Variants in ZNF444 observed in about 807,000 individuals in gnomAD.
ZNF444 encodes zinc finger protein 444.
In ZNF444, 8 loss-of-function variants were observed where a neutral mutation model predicts 14.4. The ratio of observed to expected loss-of-function variants is 0.56; its 90% CI spans 0.33 to 1.00. ZNF444 has a LOEUF of 1.00. ZNF444 is among the 50% of genes least tolerant of loss of function. The pLI, the probability that ZNF444 is intolerant of heterozygous loss-of-function variation, is 0.03. For synonymous variants in ZNF444, 258 were observed against 235.9 expected (o/e 1.09, Z -0.86); for missense variants, 510 against 504.8 (o/e 1.01, Z -0.10).
chr19:56,134,403 C>G (rs1178703337), intron 1 of ZNF444, among the ~76,000 whole-genome samples: 1 of 152,156 alleles, frequency 6.6e-6, no homozygotes. Flanking sequence ...AAGCCAGGAG[C>G]TGGGTACAGC....
intron 3 of ZNF444, among the ~76,000 whole-genome samples, chr19:56,148,898 G>A (rs1034811054): frequency 3.9e-5 from 6 of 152,138 alleles, no homozygotes; most frequent in Non-Finnish European, 7.4e-5. Context: ...GCAGAGCCAC[G>A]TCCCTTCTCA....
At chr19:56,136,858 C>T (rs1304766931), upstream of ZNF444, among the ~76,000 whole-genome samples, 7 of 152,008 alleles carry the variant, frequency 4.6e-5, no homozygotes, top group East Asian at 7.8e-4. Flanking sequence ...CTTGGCTCAC[C>T]GCAACCTCTG....
At position 56,159,829 on chromosome 19, in the gene ZNF444, G is replaced by A. The variant is rs746471237; in HGVS notation, c.612G>A (p.Glu204=). The change falls in exon 5 of 5, where the codon GAG becomes GAA. Residue 204 remains glutamate (E), a synonymous_variant. Transcript: ENST00000337080. ...GCCACCGGCAGAGCCACTCGGGCGA[G>A]AAGCCGCACGCCTGCCCTGAGTGCG... ...LLRHRQSHSG[E]KPHACPECGK... 3.8e-6 allele frequency: 6 copies of A among 1,570,168 alleles called. No individual in the cohort carries two copies. Among genetic ancestry groups the A allele is most frequent in the Non-Finnish European group, 5.2e-6 (6 of 1,164,262 alleles).
chr19:56,160,068 G>A lies in ZNF444; in HGVS notation c.851G>A (p.Gly284Asp). The A allele has an allele frequency of 6.6e-7, 1 of 1,505,036 alleles. No homozygotes were observed. The highest frequency in any genetic ancestry group is 8.8e-7 in the Non-Finnish European group (1 of 1,131,962). 93.2% of individuals were successfully genotyped at this position (1,505,036 alleles called of 1,614,324 possible). The change falls in exon 5 of 5, where the codon GGC (glycine) becomes GAC (aspartate). Residue 284 changes from glycine (G) to aspartate (D), a missense_variant. Coordinates refer to ENST00000337080, the MANE Select transcript of ZNF444 (RefSeq NM_018337.4). ...GARPFACWEC[G>D]KGFGRREHVL... ...CGGCCCTTTGCCTGCTGGGAGTGTG[G>A]CAAGGGCTTCGGGCGCCGCGAGCAC...
chr19:56,146,909 C>A lies in ZNF444; in HGVS notation c.-3C>A, dbSNP rs760773269. 3.5e-6 allele frequency: 5 copies of A among 1,422,762 alleles called. No homozygotes were observed. The highest frequency in any genetic ancestry group is 4.6e-6 in the Non-Finnish European group (5 of 1,098,434). 88.1% of individuals were successfully genotyped at this position (1,422,762 alleles called of 1,614,324 possible). ...CTGCAGGCGCTGCGGTCCGGGAGGCCCCATGGAGGTGGCGGTGCCCGTGAA... is the reference window on the plus strand; with the variant it reads ...CTGCAGGCGCTGCGGTCCGGGAGGCACCATGGAGGTGGCGGTGCCCGTGAA... On this transcript the variant is annotated 5_prime_UTR_variant, in exon 3 of 5. Transcript: ENST00000337080.
chr19:56,152,490 T>G (rs1008595210), intron 3 of ZNF444, among the ~76,000 whole-genome samples: 3 of 151,914 alleles, frequency 2.0e-5, no homozygotes, highest in African/African-American at 4.8e-5. Context: ...TTTGTTTTTT[T>G]TTTTTTTTTA....
rs777306882 is a variant in ZNF444 at position 56,159,735 on chromosome 19, T to C, written c.518T>C (p.Leu173Pro). 28 of 1,580,000 alleles carry C rather than the reference T, an allele frequency of 1.8e-5. No individual in the cohort carries two copies. The highest frequency in any genetic ancestry group is 2.6e-6 in the Non-Finnish European group (3 of 1,167,442). The change falls in exon 5 of 5, where the codon CTA becomes CCA. Residue 173 changes from leucine to proline, a missense_variant. Physicochemically the swap from Leu to Pro is moderately conservative, Grantham distance 98. Transcript: ENST00000337080. ...PPLAPGLPAF[L>P]AAPGTTSCPE... ...CTGGCGCCTGGCCTGCCCGCCTTCC[T>C]AGCGGCCCCGGGCACCACGTCCTGC...
chr19:56,159,651 C>G lies in ZNF444; in HGVS notation c.434C>G (p.Pro145Arg). Residue 145 changes from proline to arginine, a missense_variant, in exon 5 of 5, where the codon CCG (proline) becomes CGG (arginine). Transcript: ENST00000337080. ...LAGTAPGAEG[P>R]APGDSQAVRP... is the part of the protein sequence containing the mutation. ...GGCACCGCCCCTGGGGCTGAGGGGC[C>G]GGCGCCTGGGGACTCCCAGGCTGTG... 6.8e-7 allele frequency: 1 copy of G among 1,459,884 alleles called. No individual in the cohort carries two copies. Among genetic ancestry groups the G allele is most frequent in the Non-Finnish European group, 9.0e-7 (1 of 1,110,588 alleles). The allele number at this position is 1,459,884 out of a possible 1,614,324, so 90.4% of individuals were successfully genotyped here.
intron 1 of ZNF444, among the ~76,000 whole-genome samples, chr19:56,132,931 C>CTTTTT (rs1488948457): frequency 1.6e-4 from 6 of 38,110 alleles, no homozygotes; most frequent in East Asian, 4.8e-4. Context: ...TTCTTTCTTT[C>CTTTTT]TTTCTTTTTT....
Position 56,160,367 on chromosome 19 carries a change from A to C in ZNF444, c.*166A>C, listed in dbSNP as rs2032218790. The stretch of plus-strand genomic sequence containing the variant: ...CCCAACGCCTTCCTATTCCTTTCCA[A>C]CTCCTTTTCCCCCAAATTTCACTTT... On this transcript the variant is annotated 3_prime_UTR_variant, in exon 5 of 5. Coordinates refer to ENST00000337080, the MANE Select transcript of ZNF444 (RefSeq NM_018337.4). 39 of 510,108 alleles carry C rather than the reference A, an allele frequency of 7.6e-5. No homozygotes were observed. Among genetic ancestry groups the C allele is most frequent in the South Asian group, 3.9e-4 (11 of 28,468 alleles). The allele number at this position is 510,108 out of a possible 1,614,324, so 31.6% of individuals were successfully genotyped here. A position where few individuals can be genotyped will look rare whatever the true frequency, so the allele number is the denominator to read the frequency against.
At position 56,147,189 on chromosome 19, in the gene ZNF444, C is replaced by T. The variant is rs1201954501; in HGVS notation, c.278C>T (p.Ala93Val). 6.9e-7 allele frequency: 1 copy of T among 1,457,272 alleles called. No individual in the cohort carries two copies. 90.3% of individuals were successfully genotyped at this position (1,457,272 alleles called of 1,614,324 possible). A position where few individuals can be genotyped will look rare whatever the true frequency, so the allele number is the denominator to read the frequency against. ...RQPQSGEEAV[A>V]LLEELWGPAA... ...CCGCAGAGCGGGGAGGAGGCGGTGG[C>T]CCTGCTGGAGGAGCTCTGGGTGAGC... The change falls in exon 3 of 5, where the codon GCC (alanine) becomes GTC (valine). Residue 93 changes from alanine (A) to valine (V), a missense_variant. Physicochemically the swap from Ala to Val is moderately conservative, Grantham distance 64. Coordinates refer to ENST00000337080, the MANE Select transcript of ZNF444 (RefSeq NM_018337.4). This position sits in a 1 kb window ranked among gnomAD's most constrained non-coding sequence, Gnocchi z 5.9.
At chr19:56,156,693 A>C (rs2031926714) in intron 3 of ZNF444, 1 of 152,298 alleles carries the variant, frequency 6.6e-6, no homozygotes, top group Non-Finnish European at 1.5e-5. Flanking sequence ...CAAGACCGTA[A>C]CAAGGGCTGT....
intron 4 of ZNF444, among the ~76,000 whole-genome samples, chr19:56,158,950 C>T (rs2032080972): frequency 1.3e-5 from 2 of 151,886 alleles, no homozygotes; most frequent in Non-Finnish European, 2.9e-5. Context: ...TCCCACCATC[C>T]CTCTGTCATC....
Position 56,160,190 on chromosome 19 carries a change from C to G in ZNF444, c.973C>G (p.Pro325Ala), listed in dbSNP as rs1185235122. The change falls in exon 5 of 5, where the codon CCC (proline) becomes GCC (alanine). Residue 325 changes from proline to alanine, a missense_variant. Pro to Ala is a conservative substitution (Grantham distance 27). Transcript: ENST00000337080. ...PDGGGPFPPW[P>A]LG The stretch of plus-strand genomic sequence containing the variant: ...TGGTGGAGGCCCCTTCCCGCCCTGG[C>G]CCTTGGGTTAGCCGCCTCCCGGCCA... 6.9e-7 allele frequency: 1 copy of G among 1,459,364 alleles called. No homozygotes were observed. The allele number at this position is 1,459,364 out of a possible 1,614,324, so 90.4% of individuals were successfully genotyped here.
At chr19:56,136,266 G>A (rs1350513479) in intron 1 of ZNF444, among the ~76,000 whole-genome samples, 1 of 151,980 alleles carries the variant, frequency 6.6e-6, no homozygotes, top group African/African-American at 2.4e-5. Context: ...GGTGGGTTTG[G>A]AGCCCTGCCC....
At chr19:56,133,098 C>T (rs1170937566) in intron 1 of ZNF444, among the ~76,000 whole-genome samples, 3 of 151,740 alleles carry the variant, frequency 2.0e-5, no homozygotes, top group African/African-American at 4.8e-5. Context: ...CCACCATGCC[C>T]GGCTTATTTT....
chr19:56,159,694 G>A lies in ZNF444; in HGVS notation c.477G>A (p.Glu159=). The change falls in exon 5 of 5, where the codon GAG becomes GAA. Residue 159 remains glutamate, a synonymous_variant. Coordinates refer to ENST00000337080, the MANE Select transcript of ZNF444 (RefSeq NM_018337.4). ...AGGCTGTGCGCCCCTACAAGCAGGAGCCCAGCAGCCCCCCGCTGGCGCCTG... is the reference window on the plus strand; with the variant it reads ...AGGCTGTGCGCCCCTACAAGCAGGAACCCAGCAGCCCCCCGCTGGCGCCTG... ...DSQAVRPYKQ[E]PSSPPLAPGL... is the part of the protein sequence containing the mutation. 6.5e-7 allele frequency: 1 copy of A among 1,540,970 alleles called. No individual in the cohort carries two copies. The highest frequency in any genetic ancestry group is 8.7e-7 in the Non-Finnish European group (1 of 1,147,900).
upstream of ZNF444, among the ~76,000 whole-genome samples, chr19:56,138,205 G>T (rs560884557): frequency 1.3e-5 from 2 of 152,270 alleles, no homozygotes; most frequent in African/African-American, 4.8e-5. Flanking sequence ...ATCTTTAAAA[G>T]GAAGGAGATT....
rs1263309196 is a variant in ZNF444 at position 56,144,310 on chromosome 19, AAAAAAAG to A, written c.-196-1923_-196-1917del. 6.6e-6 allele frequency among the ~76,000 whole-genome samples: 1 copy of A among 152,004 alleles called. No homozygotes were observed. The highest frequency in any genetic ancestry group is 1.5e-5 in the Non-Finnish European group (1 of 68,006). On this transcript the variant is annotated intron_variant, in intron 1 of 4. Coordinates refer to ENST00000337080, the MANE Select transcript of ZNF444 (RefSeq NM_018337.4). This position sits in a 1 kb window ranked among gnomAD's most constrained non-coding sequence, Gnocchi z 4.0. ...GGCGACAGAGAGAGACCCTGTCTTAAAAAAAAGAAAAAAGAAAAAAAGGGATCCATTG... is the reference window on the plus strand; with the variant it reads ...GGCGACAGAGAGAGACCCTGTCTTAAAAAAAAGAAAAAAAGGGATCCATTG...
Sources: allele counts gnomAD v4.1 joint callset (sites outside exome capture counted in the v4.1 genomes callset), GRCh38; gene constraint gnomAD v4.1.1; non-coding constraint Gnocchi (gnomAD v3.1); transcripts MANE v1.5; gene names NCBI Gene and HGNC (gene_info 2026-07-23, HGNC 2026-07-21).